Variants in RIMS1 observed in about 807,000 individuals in gnomAD.
The protein encoded by RIMS1 is regulating synaptic membrane exocytosis protein 1.
In RIMS1, 83 loss-of-function variants were observed where a neutral mutation model predicts 214.1. The ratio of observed to expected loss-of-function variants is 0.39; its 90% CI spans 0.32 to 0.47. RIMS1 has a LOEUF of 0.47. RIMS1 is among the 20% of genes least tolerant of loss of function. The pLI is 0.99. For missense variants in RIMS1, 2,050 were observed against 2,161.8 expected, an observed-to-expected ratio of 0.95 and a Z score of 1.03; for synonymous variants, 793 against 786.8, an observed-to-expected ratio of 1.01 and a Z score of -0.13.
At chr6:72,198,537 T>C (rs2051382525) in intron 6 of RIMS1, among the ~76,000 whole-genome samples, 1 of 151,954 alleles carries the variant, frequency 6.6e-6, no homozygotes, top group Non-Finnish European at 1.5e-5. Context: ...GAGAGGCTGC[T>C]CAATGGGTAC....
At chr6:72,374,001 G>A (rs2098297477) in intron 29 of RIMS1, among the ~76,000 whole-genome samples, 1 of 152,122 alleles carries the variant, frequency 6.6e-6, no homozygotes, top group Non-Finnish European at 1.5e-5. Context: ...TGCAACCTCT[G>A]CCTCCCAGGT....
chr6:72,147,136 A>G (rs892909693), intron 4 of RIMS1, among the ~76,000 whole-genome samples: 1 of 152,220 alleles, frequency 6.6e-6, no homozygotes, highest in Non-Finnish European at 1.5e-5. Flanking sequence ...ATAATCTTTA[A>G]AGCTGTTTTT....
chr6:72,217,064 A>G, intron 6 of RIMS1: 1 of 1,481,430 alleles, frequency 6.8e-7, no homozygotes, highest in Non-Finnish European at 8.9e-7. Context: ...ACCACAGGGA[A>G]TTTTATTTAA....
intron 2 of RIMS1, among the ~76,000 whole-genome samples, chr6:72,011,846 A>T (rs1408627218): frequency 6.6e-6 from 1 of 152,218 alleles, no homozygotes; most frequent in East Asian, 1.9e-4. Flanking sequence ...GCTGGAGAAG[A>T]TCTGGAGAAA....
chr6:72,254,320 T>C (rs956963765), intron 16 of RIMS1, among the ~76,000 whole-genome samples: 2 of 152,206 alleles, frequency 1.3e-5, no homozygotes, highest in African/African-American at 4.8e-5. Context: ...AATTCACTTT[T>C]GCTCTCTGTT....
At chr6:72,234,756 C>G (rs1017151284) in intron 7 of RIMS1, among the ~76,000 whole-genome samples, 2 of 152,028 alleles carry the variant, frequency 1.3e-5, no homozygotes, top group African/African-American at 4.8e-5. Flanking sequence ...TCCCTGACAG[C>G]CACTGATCAT....
chr6:72,349,266 G>T (rs550287523), intron 29 of RIMS1, among the ~76,000 whole-genome samples: 1 of 151,970 alleles, frequency 6.6e-6, no homozygotes, highest in Non-Finnish European at 1.5e-5. Flanking sequence ...CAGATTCAAA[G>T]TCAGTGCCAT....
chr6:72,061,209 G>A (rs79471022), intron 2 of RIMS1, among the ~76,000 whole-genome samples: 1,753 of 152,162 alleles, frequency 0.012, 9 homozygotes, highest in Non-Finnish European at 0.017. Context: ...AAGGAATTAT[G>A]AAATACCTGC....
At chr6:72,138,654 AAAAT>A (rs2041690966) in intron 4 of RIMS1, among the ~76,000 whole-genome samples, 1 of 152,208 alleles carries the variant, frequency 6.6e-6, no homozygotes, top group Non-Finnish European at 1.5e-5. Context: ...TCTTAAATAA[AAAAT>A]AATTCAACAA....
intron 11 of RIMS1, among the ~76,000 whole-genome samples, chr6:72,246,625 A>G (rs1357165822): frequency 6.6e-6 from 1 of 152,180 alleles, no homozygotes; most frequent in Non-Finnish European, 1.5e-5. Context: ...AGAAGAAAAT[A>G]TGAAAGTAGG....
At chr6:72,174,828 T>G (rs974923482) in intron 4 of RIMS1, among the ~76,000 whole-genome samples, 1 of 152,168 alleles carries the variant, frequency 6.6e-6, no homozygotes, top group African/African-American at 2.4e-5. Flanking sequence ...ATTTACCCAT[T>G]AAAAAGAAAC....
chr6:72,372,590 G>C (rs185823007), intron 29 of RIMS1, among the ~76,000 whole-genome samples: 4 of 152,224 alleles, frequency 2.6e-5, no homozygotes, highest in African/African-American at 9.6e-5. Flanking sequence ...GAGTAAACAG[G>C]GACATACAGT....
At chr6:71,995,177 C>G (rs1229091568) in intron 2 of RIMS1, among the ~76,000 whole-genome samples, 5 of 152,058 alleles carry the variant, frequency 3.3e-5, no homozygotes, top group African/African-American at 1.2e-4. Flanking sequence ...TTATAAAAAA[C>G]AGAGAGAAGT....
rs1767897256 is a variant in RIMS1 at position 71,886,862 on chromosome 6, C to G, written c.-162C>G. Reference sequence around the variant, plus strand: ...ATGAAAGACTGGGTTCTCGCTCTCCCCGGCTCTGCTGCTGCTGCTGCTGCC... The same window carrying G: ...ATGAAAGACTGGGTTCTCGCTCTCCGCGGCTCTGCTGCTGCTGCTGCTGCC... On this transcript the variant is annotated 5_prime_UTR_variant, in exon 1 of 34. Coordinates refer to ENST00000521978, the MANE Select transcript of RIMS1 (RefSeq NM_014989.7). The G allele has an allele frequency of 7.0e-6, 5 of 715,696 alleles. No homozygotes were observed. The highest frequency in any genetic ancestry group is 4.7e-6 in the Non-Finnish European group (2 of 426,472). The allele number at this position is 715,696 out of a possible 1,614,324, so 44.3% of individuals were successfully genotyped here. A position where few individuals can be genotyped will look rare whatever the true frequency, so the allele number is the denominator to read the frequency against.
At chr6:72,312,525 C>T (rs1287425386) in intron 27 of RIMS1, among the ~76,000 whole-genome samples, 3 of 151,976 alleles carry the variant, frequency 2.0e-5, no homozygotes, top group Non-Finnish European at 4.4e-5. Flanking sequence ...GACAGCTTTG[C>T]ATATTTTAAT....
chr6:72,372,380 T>C (rs56184177), intron 29 of RIMS1, among the ~76,000 whole-genome samples: 2 of 152,240 alleles, frequency 1.3e-5, no homozygotes, highest in African/African-American at 4.8e-5. Context: ...TTTGCCATGC[T>C]TTCTAGGGTT....
At chr6:71,940,875 G>C (rs995229958) in intron 1 of RIMS1, among the ~76,000 whole-genome samples, 1 of 152,132 alleles carries the variant, frequency 6.6e-6, no homozygotes, top group Admixed American at 6.5e-5. Context: ...TGTTAGGGTT[G>C]TGAAACTGGC....
Position 72,290,798 on chromosome 6 carries a change from C to A in RIMS1, c.3674C>A (p.Thr1225Lys). 1.2e-6 allele frequency: 2 copies of A among 1,613,790 alleles called. No individual in the cohort carries two copies. The highest frequency in any genetic ancestry group is 1.7e-6 in the Non-Finnish European group (2 of 1,179,800). Residue 1225 changes from threonine to lysine, a missense_variant, in exon 25 of 34, where the codon ACA becomes AAA. By Grantham distance (78) the Thr-to-Lys change is moderately conservative. This residue lies in a region of RIMS1 where 889 missense variants were observed against 885.5 expected (regional missense o/e 1.00). Coordinates refer to ENST00000521978, the MANE Select transcript of RIMS1 (RefSeq NM_014989.7). Reference protein sequence around the residue: ...SRSSEHSSIRTLCSMHHLVPG... With the variant: ...SRSSEHSSIRKLCSMHHLVPG... ...TCGAGTGAGCACTCTAGTATCAGAA[C>A]ACTGTGTTCTATGCACCACCTTGTC...
At chr6:72,006,154 C>G (rs1473902603) in intron 2 of RIMS1, among the ~76,000 whole-genome samples, 1 of 152,136 alleles carries the variant, frequency 6.6e-6, no homozygotes, top group Non-Finnish European at 1.5e-5. Flanking sequence ...AGCACCAATT[C>G]CATTCATAAG....
Sources: allele counts gnomAD v4.1 joint callset (sites outside exome capture counted in the v4.1 genomes callset), GRCh38; gene constraint gnomAD v4.1.1; regional missense constraint gnomAD v4.1.1; transcripts MANE v1.5; gene names NCBI Gene and HGNC (gene_info 2026-07-23, HGNC 2026-07-21).